DLG2: variants seen among roughly 807,000 people sequenced by gnomAD.
DLG2 encodes disks large homolog 2.
DLG2 carries 45 observed loss-of-function variants against 132.5 expected under a neutral mutation model. The ratio of observed to expected loss-of-function variants is 0.34; its 90% CI spans 0.27 to 0.44. DLG2 has a LOEUF of 0.44. Ranked by LOEUF, DLG2 falls within the 20% of genes least tolerant of loss-of-function variation. The pLI is 1.00. For synonymous variants in DLG2, 424 were observed against 419.6 expected (o/e 1.01, Z -0.13); for missense variants, 1,045 against 1,196.9 (o/e 0.87, Z 1.87).
intron 10 of DLG2, among the ~76,000 whole-genome samples, chr11:84,098,706 C>T (rs1445408314): frequency 1.3e-5 from 2 of 152,214 alleles, no homozygotes; most frequent in Middle Eastern, 3.4e-3. Flanking sequence ...GTGCCTGGCC[C>T]AATGTTCAAT....
chr11:83,917,826 A>C (rs1007412986), intron 15 of DLG2, among the ~76,000 whole-genome samples: 1 of 152,222 alleles, frequency 6.6e-6, no homozygotes, highest in Non-Finnish European at 1.5e-5. Flanking sequence ...ACCTTTAAAC[A>C]GATGACAGAA....
chr11:84,065,521 A>G (rs1218589988), intron 10 of DLG2, among the ~76,000 whole-genome samples: 1 of 152,204 alleles, frequency 6.6e-6, no homozygotes, highest in Non-Finnish European at 1.5e-5. Flanking sequence ...ATGGGGTAAC[A>G]TCTCACACCA....
At chr11:84,387,985 G>T (rs1443022497) in intron 7 of DLG2, among the ~76,000 whole-genome samples, 1 of 152,140 alleles carries the variant, frequency 6.6e-6, no homozygotes, top group Non-Finnish European at 1.5e-5. Flanking sequence ...GTGTGGAGAT[G>T]ATTTCTTCCA....
At chr11:83,852,766 T>C (rs1002044216) in intron 16 of DLG2, among the ~76,000 whole-genome samples, 1 of 152,234 alleles carries the variant, frequency 6.6e-6, no homozygotes. Context: ...AGGCTTTACA[T>C]AACAATTAGT....
chr11:83,963,107 A>AAAAC, intron 13 of DLG2, 84 bp from the exon 14 acceptor site: 1 of 1,469,822 alleles, frequency 6.8e-7, no homozygotes. Context: ...AAATGTATTA[A>AAAAC]AAACAGAAAG....
intron 14 of DLG2, among the ~76,000 whole-genome samples, chr11:83,941,167 C>CTT (rs2082572340): frequency 6.6e-6 from 1 of 152,120 alleles, no homozygotes; most frequent in Admixed American, 6.5e-5. Context: ...ACATGAGGCA[C>CTT]ATTTATACTG....
chr11:83,605,003 A>AAGAG (rs1468336370), intron 19 of DLG2, among the ~76,000 whole-genome samples: 3 of 79,956 alleles, frequency 3.8e-5, no homozygotes, highest in African/African-American at 1.9e-4. Flanking sequence ...CCAGTTTTCA[A>AAGAG]AGACAGAGAG....
At chr11:84,592,301 T>G (rs943146999) in intron 6 of DLG2, among the ~76,000 whole-genome samples, 1 of 152,194 alleles carries the variant, frequency 6.6e-6, no homozygotes, top group Non-Finnish European at 1.5e-5. Flanking sequence ...CAGAACTCAC[T>G]GAATTAAAGT....
intron 7 of DLG2, among the ~76,000 whole-genome samples, chr11:84,518,387 T>C (rs1290597026): frequency 1.3e-5 from 2 of 152,078 alleles, no homozygotes; most frequent in Admixed American, 1.3e-4. Flanking sequence ...CTAATGAGTG[T>C]TCATAGACAG....
intron 21 of DLG2, among the ~76,000 whole-genome samples, chr11:83,514,708 A>G (rs2095220203): frequency 1.3e-5 from 2 of 152,176 alleles, no homozygotes; most frequent in African/African-American, 4.8e-5. Context: ...CGGCCCATCA[A>G]TACCTAATTT....
intron 6 of DLG2, among the ~76,000 whole-genome samples, chr11:84,708,952 G>A (rs928000784): frequency 2.6e-5 from 4 of 151,900 alleles, no homozygotes; most frequent in Admixed American, 2.0e-4. Context: ...TTCTCAGGCA[G>A]CAGATGTTAG....
At chr11:85,230,927 C>A (rs151165007) in intron 4 of DLG2, among the ~76,000 whole-genome samples, 106 of 151,900 alleles carry the variant, frequency 7.0e-4, no homozygotes, top group Non-Finnish European at 1.3e-3. Flanking sequence ...AAGAAGACAC[C>A]ATCTTGAAAG....
At chr11:84,116,983 A>C (rs570957787) in intron 9 of DLG2, among the ~76,000 whole-genome samples, 1 of 152,268 alleles carries the variant, frequency 6.6e-6, no homozygotes, top group African/African-American at 2.4e-5. Flanking sequence ...ACCTAATCAA[A>C]CCCCAGTATT....
intron 7 of DLG2, among the ~76,000 whole-genome samples, chr11:84,482,148 T>C (rs1377850151): frequency 2.0e-5 from 3 of 152,184 alleles, no homozygotes; most frequent in Non-Finnish European, 4.4e-5. Flanking sequence ...TCTATTCTCC[T>C]GAAAAGAGAA....
intron 6 of DLG2, among the ~76,000 whole-genome samples, chr11:84,803,690 A>T (rs976732696): frequency 6.6e-6 from 1 of 152,248 alleles, no homozygotes; most frequent in Non-Finnish European, 1.5e-5. Flanking sequence ...TAAAGTTACG[A>T]GTAATCATCA....
At chr11:83,898,208 T>C (rs1339755347) in intron 15 of DLG2, among the ~76,000 whole-genome samples, 2 of 152,300 alleles carry the variant, frequency 1.3e-5, no homozygotes, top group South Asian at 2.1e-4. Context: ...AACATAAATA[T>C]ATATTTATAA....
intron 18 of DLG2, among the ~76,000 whole-genome samples, chr11:83,767,387 G>T (rs1032754646): frequency 7.2e-5 from 11 of 152,160 alleles, no homozygotes; most frequent in African/African-American, 2.7e-4. Flanking sequence ...TTAGGTCCTT[G>T]TTCTCATGGA....
intron 14 of DLG2, among the ~76,000 whole-genome samples, chr11:83,955,470 C>G (rs1186131346): frequency 2.0e-5 from 3 of 152,244 alleles, no homozygotes; most frequent in African/African-American, 7.2e-5. Flanking sequence ...CCAGTGAAAC[C>G]CCACCTTCAA....
intron 3 of DLG2, among the ~76,000 whole-genome samples, chr11:85,476,216 T>C (rs1213557741): frequency 6.6e-6 from 1 of 152,006 alleles, no homozygotes; most frequent in Non-Finnish European, 1.5e-5. Flanking sequence ...TATCTAAACA[T>C]AGAAAAGGAA....
Sources: allele counts gnomAD v4.1 joint callset (sites outside exome capture counted in the v4.1 genomes callset), GRCh38; gene constraint gnomAD v4.1.1; transcripts MANE v1.5; gene names NCBI Gene and HGNC (gene_info 2026-07-23, HGNC 2026-07-21).